LUZP2: variants seen among roughly 807,000 people sequenced by gnomAD.
LUZP2 encodes the protein leucine zipper protein 2.
Under a neutral mutation model 51.6 loss-of-function variants are expected in LUZP2, and 52 were observed. That is an observed-to-expected ratio of 1.01 (90% CI 0.81 to 1.27). LUZP2 has a LOEUF of 1.27. Ranked by LOEUF, LUZP2 falls within the 50% of genes most tolerant of loss-of-function variation. The pLI is 0.00. For synonymous variants in LUZP2, 154 were observed against 137.3 expected, an observed-to-expected ratio of 1.12 and a Z score of -0.85; for missense variants, 436 against 395.4, an observed-to-expected ratio of 1.10 and a Z score of -0.87.
chr11:24,543,823 C>CAAAAAAAAAA lies in LUZP2; in HGVS notation c.62+46531_62+46540dup, dbSNP rs71041774. Among the ~76,000 whole-genome samples the CAAAAAAAAAA allele has an allele frequency of 2.3e-3, 174 of 75,556 alleles. 15 individuals are homozygous for CAAAAAAAAAA. The highest frequency in any genetic ancestry group is 4.5e-3 in the East Asian group (10 of 2,228). The allele number at this position is 75,556 out of a possible 152,430, so 49.6% of individuals were successfully genotyped here. On this transcript the variant is annotated intron_variant, in intron 1 of 11. Transcript: ENST00000336930. ...GGTGACAGACTGAGACTCTGTCTCA[C>CAAAAAAAAAA]AAAAAAAAAAAAAAAAAAAAAAGAT...
intron 5 of LUZP2, among the ~76,000 whole-genome samples, chr11:24,789,587 C>T (rs1849349301): frequency 6.6e-6 from 1 of 152,142 alleles, no homozygotes; most frequent in South Asian, 2.1e-4. Flanking sequence ...AGCATTGCTA[C>T]CTGTCTTAGT....
intron 7 of LUZP2, among the ~76,000 whole-genome samples, chr11:24,939,407 G>C (rs1011798785): frequency 4.0e-5 from 6 of 151,852 alleles, no homozygotes; most frequent in South Asian, 2.1e-4. Flanking sequence ...TACCACTCTC[G>C]GGGGAAGGGA....
chr11:24,655,798 A>G (rs750309135), intron 1 of LUZP2, among the ~76,000 whole-genome samples: 7 of 152,178 alleles, frequency 4.6e-5, no homozygotes, highest in Admixed American at 6.6e-5. Flanking sequence ...ATCCTTTACT[A>G]TGTTTCTTAC....
At chr11:25,022,604 C>A (rs1038760404) in intron 9 of LUZP2, among the ~76,000 whole-genome samples, 1 of 151,964 alleles carries the variant, frequency 6.6e-6, no homozygotes, top group Non-Finnish European at 1.5e-5. Context: ...TTTAAGAAAT[C>A]TCATTTTAAA....
At chr11:24,590,563 A>T (rs1853224050) in intron 1 of LUZP2, among the ~76,000 whole-genome samples, 1 of 152,182 alleles carries the variant, frequency 6.6e-6, no homozygotes, top group Admixed American at 6.6e-5. Context: ...AAGTATAATG[A>T]CTAATAATTT....
At chr11:25,069,114 T>A (rs1208487499) in intron 10 of LUZP2, among the ~76,000 whole-genome samples, 1 of 151,986 alleles carries the variant, frequency 6.6e-6, no homozygotes, top group African/African-American at 2.4e-5. Context: ...AAACGTTTTT[T>A]GGTTTTGTCA....
intron 1 of LUZP2, among the ~76,000 whole-genome samples, chr11:24,529,276 G>C: frequency 6.6e-6 from 1 of 151,120 alleles, no homozygotes; most frequent in Middle Eastern, 3.4e-3. Flanking sequence ...AAATAATGAA[G>C]ATTAATGAAT....
chr11:24,926,272 CGT>C (rs764145247), intron 7 of LUZP2, among the ~76,000 whole-genome samples: 1 of 18,458 alleles, frequency 5.4e-5, no homozygotes, highest in Non-Finnish European at 1.2e-4. Context: ...TATATATATA[CGT>C]GTATATATAT....
rs71041788 is a variant in LUZP2, at chr11:24,678,075, A to AGG, written c.63-51083_63-51082dup. Among the ~76,000 whole-genome samples, 437 of 69,684 alleles carry AGG rather than the reference A, an allele frequency of 6.3e-3. 7 individuals carry two copies. Among genetic ancestry groups the AGG allele is most frequent in the South Asian group, 8.1e-3 (12 of 1,474 alleles). 45.7% of individuals were successfully genotyped at this position (69,684 alleles called of 152,430 possible). On this transcript the variant is annotated intron_variant, in intron 1 of 11. Transcript: ENST00000336930. ...AGAAAGAAAAGGGAGGAAAGGAGAA[A>AGG]GGGGGGGGGGGGTGATTACTACGTA...
intron 7 of LUZP2, among the ~76,000 whole-genome samples, chr11:24,970,294 A>G (rs1015318226): frequency 6.6e-6 from 1 of 152,176 alleles, no homozygotes; most frequent in Admixed American, 6.6e-5. Flanking sequence ...ACATTCATGC[A>G]GCATATTATC....
At chr11:24,907,896 T>C (rs113310785) in intron 6 of LUZP2, among the ~76,000 whole-genome samples, 3 of 152,208 alleles carry the variant, frequency 2.0e-5, no homozygotes, top group Non-Finnish European at 2.9e-5. Flanking sequence ...TATTGAAATG[T>C]ATTGTCATGC....
chr11:24,572,890 T>A (rs2133803984), intron 1 of LUZP2, among the ~76,000 whole-genome samples: 1 of 152,198 alleles, frequency 6.6e-6, no homozygotes, highest in South Asian at 2.1e-4. Flanking sequence ...TGTTTTTTCA[T>A]TCTGGATTCT....
intron 5 of LUZP2, among the ~76,000 whole-genome samples, chr11:24,903,030 A>C (rs565722776): frequency 6.4e-4 from 98 of 152,174 alleles, no homozygotes; most frequent in Non-Finnish European, 1.1e-3. Flanking sequence ...TCTTAATTCT[A>C]ATAATGTTTC....
intron 1 of LUZP2, among the ~76,000 whole-genome samples, chr11:24,533,438 C>T (rs1013064096): frequency 9.9e-5 from 15 of 151,256 alleles, no homozygotes; most frequent in African/African-American, 3.4e-4. Context: ...AATACTTGCA[C>T]GGTTGTCTTT....
intron 5 of LUZP2, among the ~76,000 whole-genome samples, chr11:24,826,869 G>A (rs996572511): frequency 6.6e-6 from 1 of 152,198 alleles, no homozygotes; most frequent in East Asian, 1.9e-4. Context: ...ACAGAAAGCT[G>A]CAGTATTCTC....
At chr11:25,076,554 G>A (rs1434655228) in intron 10 of LUZP2, among the ~76,000 whole-genome samples, 4 of 149,276 alleles carry the variant, frequency 2.7e-5, no homozygotes, top group Non-Finnish European at 5.9e-5. Flanking sequence ...GAAGAGAGGA[G>A]GGAAGGAGGG....
At chr11:25,021,485 G>A (rs933008156) in intron 9 of LUZP2, among the ~76,000 whole-genome samples, 2 of 151,558 alleles carry the variant, frequency 1.3e-5, no homozygotes, top group African/African-American at 4.8e-5. Flanking sequence ...GGGAGGAGAA[G>A]AGATAGAAAA....
rs577399374 is a variant in LUZP2, at chr11:25,010,175, C to T, written c.765+26882C>T. ...CTATTCAAGTAACCTTAAATTCAAG[C>T]ATATGCTGCTATTTCCTAGTTATAA... On this transcript the variant is annotated intron_variant, in intron 9 of 11. Transcript: ENST00000336930. 1.9e-3 allele frequency among the ~76,000 whole-genome samples: 282 copies of T among 152,248 alleles called. 1 individual carries two copies. Among genetic ancestry groups the T allele is most frequent in the Non-Finnish European group, 3.3e-3 (223 of 68,032 alleles).
chr11:24,951,694 A>T (rs1481895396), intron 7 of LUZP2, among the ~76,000 whole-genome samples: 1 of 151,576 alleles, frequency 6.6e-6, no homozygotes, highest in Non-Finnish European at 1.5e-5. Flanking sequence ...GTTTTCAATT[A>T]GCCTTTCCTT....
Sources: gnomAD v4.1 joint callset for allele counts (sites outside exome capture counted in the v4.1 genomes callset) on GRCh38, gnomAD v4.1.1 for gene constraint, MANE v1.5 for transcripts, NCBI Gene and HGNC (gene_info 2026-07-23, HGNC 2026-07-21) for gene names.